VPS35L: variants seen among roughly 807,000 people sequenced by gnomAD.
VPS35L encodes the protein VPS35 endosomal protein-sorting factor-like.
VPS35L carries 83 observed loss-of-function variants against 133.0 expected under a neutral mutation model. The ratio of observed to expected loss-of-function variants is 0.62; its 90% CI spans 0.52 to 0.75. The LOEUF is 0.75. VPS35L is among the 30% of genes least tolerant of loss of function. The pLI is 0.00. For synonymous variants in VPS35L, 423 were observed against 449.9 expected, an observed-to-expected ratio of 0.94 and a Z score of 0.76; for missense variants, 1,083 against 1,206.8, an observed-to-expected ratio of 0.90 and a Z score of 1.52.
chr16:19,567,957 G>A (rs1372728428), intron 2 of VPS35L, among the ~76,000 whole-genome samples: 6 of 145,152 alleles, frequency 4.1e-5, no homozygotes, highest in African/African-American at 1.6e-4. Context: ...GTGACAAAGC[G>A]AGACCCTGTC....
At chr16:19,605,266 T>G (rs1284254533) in intron 9 of VPS35L, among the ~76,000 whole-genome samples, 2 of 152,112 alleles carry the variant, frequency 1.3e-5, no homozygotes, top group Non-Finnish European at 2.9e-5. Context: ...AGCAGCACCA[T>G]AAAAGAAAAA....
At chr16:19,565,033 C>T in intron 2 of VPS35L, 83 bp downstream of exon 2, 1 of 1,069,548 alleles carries the variant, frequency 9.3e-7, no homozygotes, top group Non-Finnish European at 1.4e-6. Flanking sequence ...TTCCGTTTTG[C>T]CAGTGGTAGC....
chr16:19,655,681 G>A (rs2151591269), intron 26 of VPS35L, among the ~76,000 whole-genome samples: 1 of 152,168 alleles, frequency 6.6e-6, no homozygotes, highest in East Asian at 1.9e-4. Flanking sequence ...TGCATAGACT[G>A]GATTGTGCAG....
At chr16:19,690,834 G>A (rs1242849561) in intron 28 of VPS35L, among the ~76,000 whole-genome samples, 1 of 152,072 alleles carries the variant, frequency 6.6e-6, no homozygotes, top group Non-Finnish European at 1.5e-5. Context: ...GTGCTGGCAG[G>A]TGCCTATAAT....
In VPS35L at chr16:19,651,970, T is replaced by C. The variant is rs775910910; in HGVS notation, c.2107-6T>C. ...GCTAGCGTTAATGTTTCTTCCCTTC[T>C]CCTAGGCCTGTGTTGCCTACTGCTT... is the stretch of plus-strand genomic sequence containing the variant. On this transcript the variant is annotated splice_polypyrimidine_tract_variant and splice_region_variant and intron_variant, in intron 25 of 30. Transcript: ENST00000417362. 5 of 1,581,358 alleles carry C rather than the reference T, an allele frequency of 3.2e-6. No individual in the cohort carries two copies. The South Asian group carries it at 3.3e-5, about 11-fold the overall frequency.
intron 12 of VPS35L, chr16:19,611,756 A>C (rs1051819191): frequency 1.3e-5 from 2 of 151,784 alleles, no homozygotes; most frequent in Admixed American, 6.6e-5. Flanking sequence ...TGCATCGCCC[A>C]CTGCTTGAAA....
rs1400420187 is a variant in VPS35L, at chr16:19,650,465, T to C, written c.2106+6T>C. ...AGACAGCTGCATTTGTCCGGGTATG[T>C]TCTTAAGATAAGGACTGTTGGACCT... On this transcript the variant is annotated splice_donor_region_variant and intron_variant, in intron 25 of 30. Coordinates refer to ENST00000417362, the MANE Select transcript of VPS35L (RefSeq NM_020314.7). 6.2e-7 allele frequency: 1 copy of C among 1,611,344 alleles called. No homozygotes were observed. The highest frequency in any genetic ancestry group is 1.7e-5 in the Admixed American group (1 of 60,010).
chr16:19,632,397 CT>C (rs1272253434), intron 18 of VPS35L, among the ~76,000 whole-genome samples: 1 of 152,160 alleles, frequency 6.6e-6, no homozygotes, highest in Non-Finnish European at 1.5e-5. Context: ...TTTTAGGATA[CT>C]TTTGATGTAT....
chr16:19,647,955 T>G, intron 24 of VPS35L, 73 bp downstream of exon 24: 1 of 1,347,926 alleles, frequency 7.4e-7, no homozygotes, highest in Non-Finnish European at 1.1e-6. Flanking sequence ...ATCATTTATT[T>G]TGATTTTATT....
At chr16:19,670,090 T>G (rs1974826201) in intron 27 of VPS35L, among the ~76,000 whole-genome samples, 1 of 152,180 alleles carries the variant, frequency 6.6e-6, no homozygotes, top group South Asian at 2.1e-4. Flanking sequence ...CTCAGCCTCC[T>G]GAGCAGCTGG....
intron 13 of VPS35L, 135 bp from the exon 14 acceptor site, chr16:19,616,550 AC>A (rs1972899741): frequency 1.2e-5 from 14 of 1,199,950 alleles, no homozygotes; most frequent in East Asian, 7.7e-5. Context: ...AAAAAAAAAA[AC>A]AACCGAGAAA....
At chr16:19,656,148 C>T (rs1011994808) in intron 26 of VPS35L, among the ~76,000 whole-genome samples, 6 of 150,898 alleles carry the variant, frequency 4.0e-5, no homozygotes, top group Admixed American at 4.0e-4. Flanking sequence ...CCTGTAATTC[C>T]AGCTATTCAG....
At chr16:19,600,955 G>C (rs1597347278) in intron 8 of VPS35L, among the ~76,000 whole-genome samples, 1 of 152,190 alleles carries the variant, frequency 6.6e-6, no homozygotes, top group Non-Finnish European at 1.5e-5. Flanking sequence ...TTTGAGACAG[G>C]GTCTTGCTCT....
chr16:19,616,716 G>C lies in VPS35L; in HGVS notation c.1132G>C (p.Val378Leu), dbSNP rs191822623. The C allele has an allele frequency of 2.6e-5, 42 of 1,614,056 alleles. 1 individual carries two copies. In the South Asian group the frequency reaches 4.3e-4, roughly 16 times the overall value. The change falls in exon 14 of 31, where the codon GTG becomes CTG. Residue 378 changes from valine to leucine, a missense_variant. Coordinates refer to ENST00000417362, the MANE Select transcript of VPS35L (RefSeq NM_020314.7). Reference sequence around the variant, plus strand: ...TGGGGATACGGTCCAGAACCAGCTGGTGGTCCAAGGAGTGGAGCTCCCATC... The same window carrying C: ...TGGGGATACGGTCCAGAACCAGCTGCTGGTCCAAGGAGTGGAGCTCCCATC... ...IHGDTVQNQLVVQGVELPSYL... is the reference protein window; with the variant it reads ...IHGDTVQNQLLVQGVELPSYL...
In VPS35L at chr16:19,569,345, G is replaced by A. The variant is rs555999798; in HGVS notation, c.118-79G>A. 9.5e-5 allele frequency: 143 copies of A among 1,504,118 alleles called. 1 individual carries two copies. Among genetic ancestry groups the A allele is most frequent in the Non-Finnish European group, 1.3e-4 (137 of 1,081,574 alleles). 93.2% of individuals were successfully genotyped at this position (1,504,118 alleles called of 1,614,324 possible). On this transcript the variant is annotated intron_variant, in intron 2 of 30. Transcript: ENST00000417362. ...AACCATCCATTCAACTACCAGAATG[G>A]GAGGAAAGTACCCACTGGAGTGTTT... is the stretch of plus-strand genomic sequence containing the variant.
chr16:19,655,130 G>A (rs1237628523), intron 26 of VPS35L, among the ~76,000 whole-genome samples: 3 of 152,130 alleles, frequency 2.0e-5, no homozygotes, highest in Non-Finnish European at 4.4e-5. Context: ...TACTGTGCAT[G>A]GATAAAGACA....
intron 10 of VPS35L, chr16:19,608,773 C>G: frequency 1.9e-6 from 1 of 538,038 alleles, no homozygotes; most frequent in East Asian, 2.8e-5. Flanking sequence ...TAACATTTCC[C>G]ACAATTTATT....
chr16:19,572,517 G>T (rs1971414470), intron 3 of VPS35L, among the ~76,000 whole-genome samples: 1 of 152,188 alleles, frequency 6.6e-6, no homozygotes, highest in Non-Finnish European at 1.5e-5. Context: ...CAGTGATGTT[G>T]AAGAGGGTCT....
rs1972883876 is a variant in VPS35L at position 19,616,136 on chromosome 16, A to G, written c.1046A>G (p.His349Arg). Residue 349 changes from histidine to arginine, a missense_variant, in exon 13 of 31, where the codon CAT (histidine) becomes CGT (arginine). Physicochemically the swap from His to Arg is conservative, Grantham distance 29. Coordinates refer to ENST00000417362, the MANE Select transcript of VPS35L (RefSeq NM_020314.7). The stretch of plus-strand genomic sequence containing the variant: ...CAGGTGGGAATGGAAGTGGCCCCAC[A>G]TCTCAAAGAAACCCTAAATAAGAAC... The part of the protein sequence containing the change: ...LCRVGMEVAP[H>R]LKETLNKNFF... 3 of 1,613,626 alleles carry G rather than the reference A, an allele frequency of 1.9e-6. No homozygotes were observed. The highest frequency in any genetic ancestry group is 2.5e-6 in the Non-Finnish European group (3 of 1,179,728).
Sources: allele counts gnomAD v4.1 joint callset (sites outside exome capture counted in the v4.1 genomes callset), GRCh38; gene constraint gnomAD v4.1.1; transcripts MANE v1.5; gene names NCBI Gene and HGNC (gene_info 2026-07-23, HGNC 2026-07-21).